Variants in CDH18 observed in about 807,000 individuals in gnomAD.
CDH18 encodes cadherin-18.
CDH18 carries 31 observed loss-of-function variants against 67.9 expected under a neutral mutation model. The ratio of observed to expected loss-of-function variants is 0.46; its 90% CI spans 0.34 to 0.62. The LOEUF (loss-of-function observed/expected upper bound fraction) is 0.62, where lower values mean the gene tolerates loss of function less well. Among genes scored for constraint, CDH18 ranks in the 20% least tolerant of loss-of-function variants. The probability of loss-of-function intolerance (pLI) is 0.01; values close to 1 mark genes in which losing one functional copy is unlikely to be tolerated. For missense variants in CDH18, 890 were observed against 975.5 expected (o/e 0.91, Z 1.17); for synonymous variants, 362 against 347.2 (o/e 1.04, Z -0.48).
chr5:19,668,951 C>A (rs1335852754), intron 5 of CDH18, among the ~76,000 whole-genome samples: 1 of 151,274 alleles, frequency 6.6e-6, no homozygotes, highest in South Asian at 2.1e-4. Flanking sequence ...ATACATAAAT[C>A]TAAATCTGAA....
rs1282513400 is a variant in CDH18 at position 19,525,091 on chromosome 5, GT to G, written c.1391-4314del. The stretch of plus-strand genomic sequence containing the variant: ...AAAGGCAGGGTTAAAAGCAACTCCA[GT>G]GAAGTAAGAAACTGTGTTTTCTATG... On this transcript the variant is annotated intron_variant, in intron 9 of 12. Coordinates refer to ENST00000382275, the MANE Select transcript of CDH18 (RefSeq NM_004934.5). 2.0e-5 allele frequency among the ~76,000 whole-genome samples: 3 copies of G among 152,248 alleles called. No homozygotes were observed. In the East Asian group the frequency reaches 5.8e-4, roughly 29 times the overall value.
chr5:19,821,440 T>C (rs1581504078), intron 3 of CDH18, among the ~76,000 whole-genome samples: 1 of 145,246 alleles, frequency 6.9e-6, no homozygotes. Flanking sequence ...ATTTTTAAAA[T>C]GAACAATAAC....
At chr5:20,382,819 T>C (rs1057065719) in intron 1 of CDH18, among the ~76,000 whole-genome samples, 1 of 152,176 alleles carries the variant, frequency 6.6e-6, no homozygotes, top group Admixed American at 6.5e-5. Flanking sequence ...CTAGGCTATA[T>C]TGTAACTACA....
chr5:20,307,364 A>G (rs1361044176), intron 1 of CDH18, among the ~76,000 whole-genome samples: 1 of 152,140 alleles, frequency 6.6e-6, no homozygotes, highest in African/African-American at 2.4e-5. Flanking sequence ...ACATGTTAGT[A>G]GCCTATGGAG....
intron 2 of CDH18, among the ~76,000 whole-genome samples, chr5:20,008,636 G>A (rs1737135775): frequency 6.6e-6 from 1 of 152,114 alleles, no homozygotes; most frequent in Non-Finnish European, 1.5e-5. Flanking sequence ...TGATTCCCAT[G>A]ACCCTTAGGG....
intron 2 of CDH18, among the ~76,000 whole-genome samples, chr5:19,851,274 C>A (rs939040836): frequency 4.6e-5 from 7 of 151,258 alleles, no homozygotes; most frequent in African/African-American, 1.7e-4. Context: ...TTTCCAGAGA[C>A]TTAAAAGTAT....
At chr5:19,610,841 T>A (rs1048260826) in intron 6 of CDH18, among the ~76,000 whole-genome samples, 3 of 152,136 alleles carry the variant, frequency 2.0e-5, no homozygotes, top group Non-Finnish European at 4.4e-5. Flanking sequence ...TGGTTTAAAA[T>A]TTAATTATAT....
At chr5:19,817,446 G>T (rs759841866) in intron 3 of CDH18, among the ~76,000 whole-genome samples, 5 of 151,906 alleles carry the variant, frequency 3.3e-5, no homozygotes, top group African/African-American at 4.8e-5. Flanking sequence ...ACATGTAATA[G>T]CAAAAAAGTA....
intron 2 of CDH18, among the ~76,000 whole-genome samples, chr5:20,164,999 T>C (rs1736178889): frequency 6.6e-6 from 1 of 152,164 alleles, no homozygotes; most frequent in Non-Finnish European, 1.5e-5. Flanking sequence ...AATTTGTTCA[T>C]AATTTAACTG....
At chr5:19,545,820 C>T (rs889257721) in intron 8 of CDH18, among the ~76,000 whole-genome samples, 2 of 152,124 alleles carry the variant, frequency 1.3e-5, no homozygotes, top group Non-Finnish European at 2.9e-5. Flanking sequence ...GTATGGAATT[C>T]AATTGTCCTT....
intron 1 of CDH18, among the ~76,000 whole-genome samples, chr5:20,425,013 T>C (rs889333253): frequency 1.3e-5 from 2 of 150,762 alleles, no homozygotes; most frequent in Non-Finnish European, 2.9e-5. Context: ...GAAAATTCTA[T>C]TGATATTTCC....
At chr5:19,813,494 T>C in intron 3 of CDH18, among the ~76,000 whole-genome samples, 1 of 152,044 alleles carries the variant, frequency 6.6e-6, no homozygotes, top group Admixed American at 6.6e-5. Context: ...TATCAGAATT[T>C]TAATATCTCA....
intron 3 of CDH18, among the ~76,000 whole-genome samples, chr5:19,789,900 T>C (rs1219500439): frequency 1.3e-5 from 2 of 151,852 alleles, no homozygotes; most frequent in Admixed American, 1.3e-4. Flanking sequence ...GTATATATTG[T>C]ATACATTTTA....
chr5:19,956,982 T>C (rs1796316888), intron 2 of CDH18, among the ~76,000 whole-genome samples: 1 of 151,992 alleles, frequency 6.6e-6, no homozygotes, highest in Non-Finnish European at 1.5e-5. Context: ...TATAGCTATC[T>C]ATAATTACTT....
intron 5 of CDH18, among the ~76,000 whole-genome samples, chr5:19,653,955 C>A (rs116159004): frequency 0.01 from 1,531 of 152,268 alleles, 24 homozygotes; most frequent in African/African-American, 0.036. Context: ...CAAGCATAAT[C>A]TCTTGTAGAA....
In CDH18 at chr5:19,656,271, T is replaced by G. The variant is rs1184237807; in HGVS notation, c.644-43670A>C. On this transcript the variant is annotated intron_variant, in intron 5 of 12. Transcript: ENST00000382275. The stretch of plus-strand genomic sequence containing the variant: ...TGATTTTACCATATCTTCTAAAGTC[T>G]AGTGATAATAATAATTCGTGTTTTT... Among the ~76,000 whole-genome samples the G allele has an allele frequency of 2.0e-5, 3 of 152,230 alleles. No individual in the cohort carries two copies. The East Asian group carries it at 5.8e-4, about 29-fold the overall frequency.
At chr5:19,515,626 T>C (rs1318743546) in intron 10 of CDH18, among the ~76,000 whole-genome samples, 1 of 152,142 alleles carries the variant, frequency 6.6e-6, no homozygotes, top group Non-Finnish European at 1.5e-5. Context: ...TGAATGGGAG[T>C]TCACTCATGA....
rs532926574 is a variant in CDH18 at position 20,301,207 on chromosome 5, T to G, written c.-579-45702A>C. Among the ~76,000 whole-genome samples, 45 of 152,074 alleles carry G rather than the reference T, an allele frequency of 3.0e-4. No homozygotes were observed. The South Asian group carries it at 8.9e-3, about 30-fold the overall frequency. ...TTTTTGTTTGTTTGTTTGTTTGTTT[T>G]ACTTTTCATTTATTCACATTTCACA... is the stretch of plus-strand genomic sequence containing the variant. On this transcript the variant is annotated intron_variant, in intron 1 of 14. Coordinates refer to the CDH18 transcript ENST00000507958.
chr5:19,935,397 A>G (rs1006122648), intron 2 of CDH18, among the ~76,000 whole-genome samples: 13 of 151,330 alleles, frequency 8.6e-5, no homozygotes, highest in Non-Finnish European at 1.5e-4. Context: ...CAGTGGTCCT[A>G]TAAGATTTTG....
Sources: gnomAD v4.1 joint callset for allele counts (sites outside exome capture counted in the v4.1 genomes callset) on GRCh38, gnomAD v4.1.1 for gene constraint, MANE v1.5 for transcripts, NCBI Gene and HGNC (gene_info 2026-07-23, HGNC 2026-07-21) for gene names.